AGK: variants seen among roughly 807,000 people sequenced by gnomAD.
AGK encodes acylglycerol kinase, also known as acylglycerol kinase, mitochondrial.
Under a neutral mutation model 66.4 loss-of-function variants are expected in AGK, and 52 were observed. The ratio of observed to expected loss-of-function variants is 0.78; its 90% CI spans 0.63 to 0.99. AGK has a LOEUF of 0.99. Ranked by LOEUF, AGK falls within the 50% of genes least tolerant of loss-of-function variation. The probability of loss-of-function intolerance (pLI) is 0.00; values close to 1 mark genes in which losing one functional copy is unlikely to be tolerated. For synonymous variants in AGK, 182 were observed against 181.1 expected, an observed-to-expected ratio of 1.00 and a Z score of -0.04; for missense variants, 451 against 506.6, an observed-to-expected ratio of 0.89 and a Z score of 1.05.
At chr7:141,562,744 G>A (rs946884128) in intron 2 of AGK, among the ~76,000 whole-genome samples, 10 of 152,218 alleles carry the variant, frequency 6.6e-5, no homozygotes, top group African/African-American at 2.2e-4. Flanking sequence ...CAGCCTGTGC[G>A]CAGAACTCAG....
chr7:141,578,447 T>C (rs148088958), intron 2 of AGK, among the ~76,000 whole-genome samples: 2,455 of 152,076 alleles, frequency 0.016, 50 homozygotes, highest in Non-Finnish European at 0.022. Context: ...GGGGATACGA[T>C]GGCTTAGCTT....
intron 8 of AGK, among the ~76,000 whole-genome samples, chr7:141,619,791 A>G (rs368587507): frequency 2.0e-5 from 3 of 152,200 alleles, no homozygotes; most frequent in East Asian, 1.9e-4. Context: ...AGTTTCTTGT[A>G]AAATTAAACA....
At chr7:141,608,134 T>TTC (rs1796504038) in intron 5 of AGK, among the ~76,000 whole-genome samples, 1 of 152,114 alleles carries the variant, frequency 6.6e-6, no homozygotes. Context: ...CATTTCAAGG[T>TTC]TTGAAAGCAA....
rs141566507 is a variant in AGK, at chr7:141,600,343, G to T, written c.222-862G>T. On this transcript the variant is annotated intron_variant, in intron 4 of 15. Transcript: ENST00000649286. Reference sequence around the variant, plus strand: ...TTGTTTTGCAACTTCTGTGTCCCTGGATTCCTAGACTGTGTTTTTGAATTC... The same window carrying T: ...TTGTTTTGCAACTTCTGTGTCCCTGTATTCCTAGACTGTGTTTTTGAATTC... Among the ~76,000 whole-genome samples, 26 of 152,242 alleles carry T rather than the reference G, an allele frequency of 1.7e-4. No individual in the cohort carries two copies. The East Asian group carries it at 4.6e-3, about 27-fold the overall frequency.
intron 14 of AGK, among the ~76,000 whole-genome samples, chr7:141,649,725 C>T (rs1399143809): frequency 1.3e-5 from 2 of 152,250 alleles, no homozygotes; most frequent in African/African-American, 4.8e-5. Flanking sequence ...AAATAATCAT[C>T]TCTGCCGATC....
At chr7:141,587,034 C>A (rs1050104363) in intron 2 of AGK, among the ~76,000 whole-genome samples, 5 of 152,220 alleles carry the variant, frequency 3.3e-5, no homozygotes, top group African/African-American at 1.2e-4. Context: ...GTTCTCACCC[C>A]ACCTCGGATA....
At chr7:141,610,407 C>T (rs1233933099) in intron 5 of AGK, among the ~76,000 whole-genome samples, 1 of 151,982 alleles carries the variant, frequency 6.6e-6, no homozygotes, top group Non-Finnish European at 1.5e-5. Flanking sequence ...TGCATTATGT[C>T]TATTGAAATT....
intron 2 of AGK, among the ~76,000 whole-genome samples, chr7:141,557,951 T>C (rs1006919664): frequency 1.3e-5 from 2 of 152,162 alleles, no homozygotes; most frequent in African/African-American, 4.8e-5. Flanking sequence ...TCTCTAGAAC[T>C]TTTTCATCTT....
chr7:141,637,670 T>G (rs889647622), intron 11 of AGK, among the ~76,000 whole-genome samples: 1 of 152,162 alleles, frequency 6.6e-6, no homozygotes, highest in African/African-American at 2.4e-5. Context: ...AAGTGGTATA[T>G]TGATAGTTTG....
At chr7:141,587,202 C>G (rs888322261) in intron 2 of AGK, among the ~76,000 whole-genome samples, 2 of 152,182 alleles carry the variant, frequency 1.3e-5, no homozygotes, top group Non-Finnish European at 2.9e-5. Flanking sequence ...CACCAGCCAT[C>G]CCTCAAATTT....
At chr7:141,621,638 G>A in intron 8 of AGK, 94 bp from the exon 9 acceptor site, 1 of 797,228 alleles carries the variant, frequency 1.3e-6, no homozygotes, top group Non-Finnish European at 2.2e-6. Context: ...GAGAATATGT[G>A]TGTGTGTGTG....
intron 4 of AGK, among the ~76,000 whole-genome samples, chr7:141,600,280 T>C (rs1796315594): frequency 6.6e-6 from 1 of 152,184 alleles, no homozygotes; most frequent in Admixed American, 6.6e-5. Flanking sequence ...TGTTTTAACA[T>C]TAGTTTGACT....
intron 2 of AGK, among the ~76,000 whole-genome samples, chr7:141,579,448 A>G (rs1236435179): frequency 1.3e-5 from 2 of 151,814 alleles, no homozygotes; most frequent in African/African-American, 4.9e-5. Flanking sequence ...AGAAGGGAAG[A>G]AATGATCGCG....
rs188401369 is a variant in AGK at position 141,611,101 on chromosome 7, T to C, written c.298-94T>C. The C allele has an allele frequency of 2.9e-5, 20 of 694,468 alleles. 1 individual carries two copies. In the Admixed American group the frequency reaches 5.4e-4, roughly 19 times the overall value. The allele number at this position is 694,468 out of a possible 1,614,324, so 43.0% of individuals were successfully genotyped here. A position where few individuals can be genotyped will look rare whatever the true frequency, so the allele number is the denominator to read the frequency against. On this transcript the variant is annotated intron_variant, in intron 5 of 15. Transcript: ENST00000649286. ...ATGTAAAATTTACGAAGACAGTCAA[T>C]GTAAAACTTTAAAGAAGATATCCCA... is the stretch of plus-strand genomic sequence containing the variant.
At chr7:141,639,394 T>G (rs1169823628) in intron 11 of AGK, among the ~76,000 whole-genome samples, 1 of 152,036 alleles carries the variant, frequency 6.6e-6, no homozygotes, top group Admixed American at 6.6e-5. Context: ...GTTTCTAGAC[T>G]GAAGAAAAAG....
chr7:141,593,373 A>C, intron 3 of AGK, 188 bp downstream of exon 3: 1 of 708,816 alleles, frequency 1.4e-6, no homozygotes, highest in Non-Finnish European at 2.6e-6. Context: ...CATCTGGTGA[A>C]GAGCAGTTCT....
intron 2 of AGK, among the ~76,000 whole-genome samples, chr7:141,569,856 G>A (rs1029884809): frequency 1.4e-4 from 21 of 152,162 alleles, no homozygotes; most frequent in African/African-American, 5.1e-4. Context: ...ACTGTAAGCT[G>A]AGATTACCTT....
intron 2 of AGK, among the ~76,000 whole-genome samples, chr7:141,584,182 T>A (rs1352705353): frequency 6.6e-6 from 1 of 151,974 alleles, no homozygotes; most frequent in Non-Finnish European, 1.5e-5. Context: ...TTATAAGATT[T>A]GGGTAGGTAG....
chr7:141,653,978 G>A lies in AGK; in HGVS notation c.*1054G>A, dbSNP rs1464849663. On this transcript the variant is annotated 3_prime_UTR_variant, in exon 16 of 16. Transcript: ENST00000649286. ...TTCATTTATAAAAATAAATGAGCTAGTTCTTTAGTAGTTAAACATTTCAAA... is the reference window on the plus strand; with the variant it reads ...TTCATTTATAAAAATAAATGAGCTAATTCTTTAGTAGTTAAACATTTCAAA... 6.6e-6 allele frequency: 1 copy of A among 152,074 alleles called. No individual in the cohort carries two copies. The highest frequency in any genetic ancestry group is 1.5e-5 in the Non-Finnish European group (1 of 68,010). The allele number at this position is 152,074 out of a possible 1,614,324, so 9.4% of individuals were successfully genotyped here. A position where few individuals can be genotyped will look rare whatever the true frequency, so the allele number is the denominator to read the frequency against.
Sources: gnomAD v4.1 joint callset for allele counts (sites outside exome capture counted in the v4.1 genomes callset) on GRCh38, gnomAD v4.1.1 for gene constraint, MANE v1.5 for transcripts, NCBI Gene and HGNC (gene_info 2026-07-23, HGNC 2026-07-21) for gene names.